The following NHERF4 variants were observed in gnomAD, a reference collection of about 807,000 sequenced individuals.
NHERF4 encodes the protein Na(+)/H(+) exchange regulatory cofactor NHE-RF4.
chr11:119,187,176 G>A, the NHERF4 span: 23 of 814,588 alleles, frequency 2.8e-5, no homozygotes, highest in Admixed American at 1.4e-4. Flanking sequence ...AAAAAAAGCC[G>A]ATTCCCTTGG....
the NHERF4 span, chr11:119,185,587 A>G: frequency 7.2e-7 from 1 of 1,385,812 alleles, no homozygotes. Flanking sequence ...AAGCTTTGGG[A>G]CCAGGGCACA....
chr11:119,187,253 A>G, the NHERF4 span: 1 of 1,572,648 alleles, frequency 6.4e-7, no homozygotes, highest in Non-Finnish European at 8.6e-7. Flanking sequence ...ACCCACGCCC[A>G]CGTGCCCTCT....
chr11:119,189,570 GCT>G, the NHERF4 span: 2 of 1,514,924 alleles, frequency 1.3e-6, no homozygotes, highest in Admixed American at 3.3e-5. This position sits in a 1 kb window ranked among gnomAD's most constrained non-coding sequence, Gnocchi z 5.8. Flanking sequence ...AAGGCAGGAT[GCT>G]CTCTCTAAGC....
the NHERF4 span, chr11:119,189,889 T>G: frequency 3.0e-6 from 1 of 337,242 alleles, no homozygotes; most frequent in African/African-American, 2.0e-5. This position sits in a 1 kb window ranked among gnomAD's most constrained non-coding sequence, Gnocchi z 5.8. Context: ...GCCTTAGCAT[T>G]GCGGGAGGGT....
chr11:119,187,210 G>A, the NHERF4 span: 1 of 1,343,840 alleles, frequency 7.4e-7, no homozygotes, highest in South Asian at 1.7e-5. Flanking sequence ...ATTCCAGGGA[G>A]GTCCTGGGGG....
At chr11:119,187,394 G>T in the NHERF4 span, 1 of 1,614,096 alleles carries the variant, frequency 6.2e-7, no homozygotes, top group East Asian at 2.2e-5. Context: ...CTAGGCCCAG[G>T]GGTCCGGCCC....
the NHERF4 span, chr11:119,187,284 C>T: frequency 6.2e-7 from 1 of 1,604,642 alleles, no homozygotes; most frequent in African/African-American, 1.3e-5. Context: ...TACGCCGCAT[C>T]CGGGCCAGCA....
chr11:119,188,894 T>A, the NHERF4 span: 1 of 1,611,502 alleles, frequency 6.2e-7, no homozygotes, highest in Non-Finnish European at 8.5e-7. Context: ...GGATCTTGAA[T>A]CCCTTCGATC....
chr11:119,186,321 C>T, the NHERF4 span: 2 of 1,572,160 alleles, frequency 1.3e-6, no homozygotes, highest in East Asian at 2.3e-5. This position sits in a 1 kb window ranked among gnomAD's most constrained non-coding sequence, Gnocchi z 4.4. Flanking sequence ...TTTCTCCTGT[C>T]CCAGTCCCTC....
chr11:119,190,049 G>T, the NHERF4 span: 1 of 474,944 alleles, frequency 2.1e-6, no homozygotes, highest in Non-Finnish European at 3.7e-6. This position sits in a 1 kb window ranked among gnomAD's most constrained non-coding sequence, Gnocchi z 4.2. Context: ...TCCTGCAGGA[G>T]AGAGGTTGAG....
the NHERF4 span, chr11:119,189,659 A>T: frequency 2.7e-6 from 2 of 739,204 alleles, no homozygotes; most frequent in Non-Finnish European, 4.7e-6. The surrounding 1 kb of genome is among the most constrained non-coding windows in gnomAD (Gnocchi z 5.8). Context: ...CCCACCTGCC[A>T]GCAGAGGGTG....
the NHERF4 span, chr11:119,187,862 G>C: frequency 6.8e-7 from 1 of 1,471,960 alleles, no homozygotes; most frequent in Non-Finnish European, 9.0e-7. Context: ...TAGTGCCTGG[G>C]AGGAGGGGCT....
At chr11:119,185,983 G>C in the NHERF4 span, 1 of 1,614,126 alleles carries the variant, frequency 6.2e-7, no homozygotes, top group Non-Finnish European at 8.5e-7. Flanking sequence ...GGCAAGGGGA[G>C]GAAATAATTG....
the NHERF4 span, chr11:119,189,481 G>T: frequency 6.2e-7 from 1 of 1,614,150 alleles, no homozygotes; most frequent in Non-Finnish European, 8.5e-7. This position sits in a 1 kb window ranked among gnomAD's most constrained non-coding sequence, Gnocchi z 5.8. Flanking sequence ...TCTGGCCTCG[G>T]ATCTACTGTA....
chr11:119,185,912 C>T, the NHERF4 span: 193 of 1,614,164 alleles, frequency 1.2e-4, no homozygotes, highest in African/African-American at 2.4e-3. Context: ...TCACCCACTT[C>T]TTTGCCCAGT....
the NHERF4 span, chr11:119,189,762 G>A: frequency 1.1e-5 from 6 of 542,006 alleles, no homozygotes; most frequent in Middle Eastern, 5.0e-4. The surrounding 1 kb of genome is among the most constrained non-coding windows in gnomAD (Gnocchi z 5.8). Flanking sequence ...AAGGATGAAG[G>A]TGTGGCTGTG....
chr11:119,188,241 T>C, the NHERF4 span: 1 of 1,562,540 alleles, frequency 6.4e-7, no homozygotes, highest in East Asian at 2.3e-5. Flanking sequence ...GGTGTCCCTG[T>C]CTGAGCTCTG....
At chr11:119,189,167 C>A in the NHERF4 span, 4 of 1,612,606 alleles carry the variant, frequency 2.5e-6, no homozygotes, top group Admixed American at 3.3e-5. The surrounding 1 kb of genome is among the most constrained non-coding windows in gnomAD (Gnocchi z 5.8). Flanking sequence ...CAGGTCTCTG[C>A]GGGGCTTGGA....
chr11:119,188,648 G>C, the NHERF4 span: 1 of 1,614,006 alleles, frequency 6.2e-7, no homozygotes, highest in African/African-American at 1.3e-5. Flanking sequence ...AGGTTCGCCT[G>C]TCCCCACTCC....
Sources: gnomAD v4.1 joint callset for allele counts on GRCh38, gnomAD v4.1.1 for gene constraint, Gnocchi (gnomAD v3.1) non-coding constraint, MANE v1.5 for transcripts, NCBI Gene and HGNC (gene_info 2026-07-23, HGNC 2026-07-21) for gene names.